The following SORCS2 variants were observed in gnomAD, a reference collection of about 807,000 sequenced individuals.
The protein encoded by SORCS2 is VPS10 domain-containing receptor SorCS2.
SORCS2 carries 100 observed loss-of-function variants against 141.6 expected under a neutral mutation model. The observed-to-expected ratio is 0.71, with a 90% confidence interval of 0.60 to 0.83. The LOEUF is 0.83. Among genes scored for constraint, SORCS2 ranks in the 40% least tolerant of loss-of-function variants. SORCS2 has a pLI of 0.00. For synonymous variants in SORCS2, 789 were observed against 676.9 expected (o/e 1.17, Z -2.57); for missense variants, 1,646 against 1,560.2 (o/e 1.05, Z -0.93).
In SORCS2 at chr4:7,728,473, A is replaced by G; in HGVS notation, c.2982+11A>G. On this transcript the variant is annotated intron_variant, in intron 22 of 26. Transcript: ENST00000507866. Reference sequence around the variant, plus strand: ...CGGCTGCTCTCCAAGGTGTCCACCCAGAGCCTAGAGCCTCCCCAGCCCCAC... The same window carrying G: ...CGGCTGCTCTCCAAGGTGTCCACCCGGAGCCTAGAGCCTCCCCAGCCCCAC... 1.3e-6 allele frequency: 2 copies of G among 1,586,844 alleles called. No individual in the cohort carries two copies. Among genetic ancestry groups the G allele is most frequent in the Non-Finnish European group, 1.7e-6 (2 of 1,162,134 alleles).
At chr4:7,589,036 A>G (rs1716729227) in intron 3 of SORCS2, among the ~76,000 whole-genome samples, 1 of 152,328 alleles carries the variant, frequency 6.6e-6, no homozygotes, top group East Asian at 1.9e-4. Flanking sequence ...GAGAGAGCCC[A>G]GCCTACTGGG....
Position 7,193,036 on chromosome 4 carries a change from G to A in SORCS2, c.390G>A (p.Ala130=), listed in dbSNP as rs1447358963. The A allele has an allele frequency of 6.6e-7, 1 of 1,514,398 alleles. No homozygotes were observed. Among genetic ancestry groups the A allele is most frequent in the Non-Finnish European group, 8.8e-7 (1 of 1,141,596 alleles). 93.8% of individuals were successfully genotyped at this position (1,514,398 alleles called of 1,614,324 possible). ...CGCTGGCCGGAGTGGCTTCGCGGGCGCAGGTCTCGCTCATCAGCACGTCGT... is the reference window on the plus strand; with the variant it reads ...CGCTGGCCGGAGTGGCTTCGCGGGCACAGGTCTCGCTCATCAGCACGTCGT... The part of the protein sequence containing the change: ...AAPLAGVASR[A]QVSLISTSFV... Residue 130 remains alanine, a synonymous_variant, in exon 1 of 27, where the codon GCG becomes GCA. Transcript: ENST00000507866. This position sits in a 1 kb window ranked among gnomAD's most constrained non-coding sequence, Gnocchi z 4.8.
At chr4:7,337,398 C>G (rs6825152) in intron 1 of SORCS2, among the ~76,000 whole-genome samples, 76,207 of 151,862 alleles carry the variant, frequency 0.5, 19,374 homozygotes, top group East Asian at 0.57. Context: ...AGAAGGTGCC[C>G]GCACTGGATC....
chr4:7,668,348 C>T (rs1020438936), intron 8 of SORCS2, among the ~76,000 whole-genome samples: 1 of 152,186 alleles, frequency 6.6e-6, no homozygotes, highest in Non-Finnish European at 1.5e-5. Context: ...ATGGAGGCCC[C>T]TCTGGGGCTG....
At chr4:7,346,171 T>C in intron 1 of SORCS2, among the ~76,000 whole-genome samples, 1 of 152,190 alleles carries the variant, frequency 6.6e-6, no homozygotes, top group East Asian at 1.9e-4. Flanking sequence ...TTTCTCCCTT[T>C]TTAATACCAG....
intron 1 of SORCS2, among the ~76,000 whole-genome samples, chr4:7,362,277 A>G (rs1721628240): frequency 6.6e-6 from 1 of 152,100 alleles, no homozygotes; most frequent in Non-Finnish European, 1.5e-5. Flanking sequence ...GTTTTCATAG[A>G]CGAGCTTCAA....
intron 2 of SORCS2, among the ~76,000 whole-genome samples, chr4:7,448,253 G>A (rs1375573449): frequency 3.9e-5 from 6 of 152,082 alleles, no homozygotes; most frequent in Non-Finnish European, 7.4e-5. Context: ...GTGGAACTGC[G>A]GCGCAGGGCA....
chr4:7,680,330 C>G (rs1048929961), intron 9 of SORCS2, among the ~76,000 whole-genome samples: 5 of 152,214 alleles, frequency 3.3e-5, no homozygotes, highest in Admixed American at 3.3e-4. Context: ...GCCGGCAGCT[C>G]CTCTCCTGCA....
intron 1 of SORCS2, among the ~76,000 whole-genome samples, chr4:7,375,529 CCA>C (rs938279292): frequency 1.3e-5 from 2 of 152,140 alleles, no homozygotes; most frequent in Non-Finnish European, 2.9e-5. Context: ...TCACGCATGT[CCA>C]GTCATGGGAG....
intron 1 of SORCS2, among the ~76,000 whole-genome samples, chr4:7,202,433 GCAGT>G (rs1345005462): frequency 2.0e-5 from 3 of 152,182 alleles, no homozygotes; most frequent in African/African-American, 4.8e-5. Flanking sequence ...CATTTCTATA[GCAGT>G]CAGTTACTGT....
intron 10 of SORCS2, among the ~76,000 whole-genome samples, chr4:7,684,936 G>A (rs866414912): frequency 6.6e-6 from 1 of 152,112 alleles, no homozygotes; most frequent in Admixed American, 6.5e-5. Context: ...TGGCCCCCAG[G>A]GCAACCCCTT....
At chr4:7,500,220 C>A (rs994422546) in intron 2 of SORCS2, among the ~76,000 whole-genome samples, 2 of 152,160 alleles carry the variant, frequency 1.3e-5, no homozygotes, top group African/African-American at 4.8e-5. Flanking sequence ...AGCTGCCCAG[C>A]CTGCCCGTGG....
rs1726328633 is a variant in SORCS2, at chr4:7,718,193, C to T, written c.2424+10C>T. ...GGTGCGGCAGGAGCAGGTGAGTGAG[C>T]ACCTCCCAGCAGGCTCCTGGGACTG... On this transcript the variant is annotated intron_variant, in intron 18 of 26. Transcript: ENST00000507866. The T allele has an allele frequency of 1.2e-6, 2 of 1,606,166 alleles. No individual in the cohort carries two copies.
At chr4:7,364,457 C>T (rs1273138179) in intron 1 of SORCS2, among the ~76,000 whole-genome samples, 1 of 152,136 alleles carries the variant, frequency 6.6e-6, no homozygotes, top group East Asian at 1.9e-4. Context: ...GTCAGCAAGG[C>T]TGCTATGGGG....
chr4:7,676,270 C>T, intron 9 of SORCS2, 41 bp downstream of exon 9: 1 of 1,539,784 alleles, frequency 6.5e-7, no homozygotes, highest in East Asian at 2.5e-5. Context: ...GCCGCCGACC[C>T]CCTGCCCTCT....
intron 2 of SORCS2, among the ~76,000 whole-genome samples, chr4:7,435,232 A>T (rs1727222482): frequency 6.6e-6 from 1 of 151,660 alleles, no homozygotes; most frequent in Non-Finnish European, 1.5e-5. Context: ...CCTTCCCTGC[A>T]GCTCACTGTC....
At chr4:7,734,463 G>A in intron 25 of SORCS2, 89 bp downstream of exon 25, 3 of 889,236 alleles carry the variant, frequency 3.4e-6, no homozygotes, top group Admixed American at 6.2e-5. Context: ...ATCTAGAAAG[G>A]GCCCCAGCAG....
intron 2 of SORCS2, among the ~76,000 whole-genome samples, chr4:7,487,073 C>T (rs929395963): frequency 2.0e-5 from 3 of 152,206 alleles, no homozygotes; most frequent in South Asian, 2.1e-4. Context: ...TGTCTCCTAC[C>T]TCTCCGAGGG....
At chr4:7,721,322 C>A (rs534798081) in intron 18 of SORCS2, among the ~76,000 whole-genome samples, 1 of 152,128 alleles carries the variant, frequency 6.6e-6, no homozygotes, top group African/African-American at 2.4e-5. Context: ...AAAACTTAGC[C>A]AGGTGTGGTG....
Sources: gnomAD v4.1 joint callset for allele counts (sites outside exome capture counted in the v4.1 genomes callset) on GRCh38, gnomAD v4.1.1 for gene constraint, Gnocchi (gnomAD v3.1) non-coding constraint, MANE v1.5 for transcripts, NCBI Gene and HGNC (gene_info 2026-07-23, HGNC 2026-07-21) for gene names.